Variants in CDH13 observed in about 807,000 individuals in gnomAD.
The protein encoded by CDH13 is cadherin 13, also known as cadherin-13.
A neutral mutation model predicts 63.8 loss-of-function variants in CDH13; 24 were observed. The observed-to-expected ratio is 0.38, with a 90% confidence interval of 0.27 to 0.53. The LOEUF (loss-of-function observed/expected upper bound fraction) is 0.53. CDH13 is among the 20% of genes least tolerant of loss of function. The pLI is 0.85. For synonymous variants in CDH13, 503 were observed against 355.3 expected, an observed-to-expected ratio of 1.42 and a Z score of -4.67; for missense variants, 1,049 against 903.1, an observed-to-expected ratio of 1.16 and a Z score of -2.07.
intron 1 of CDH13, among the ~76,000 whole-genome samples, chr16:82,836,486 G>A (rs985917094): frequency 2.0e-5 from 3 of 152,090 alleles, no homozygotes; most frequent in Admixed American, 6.5e-5. Flanking sequence ...GTTCATCTCA[G>A]TATACTGCCT....
chr16:82,702,797 T>G (rs1207378149), intron 1 of CDH13, among the ~76,000 whole-genome samples: 2 of 152,192 alleles, frequency 1.3e-5, no homozygotes, highest in Non-Finnish European at 2.9e-5. Flanking sequence ...TGGAACCCTG[T>G]GGCCCCCAGG....
intron 7 of CDH13, among the ~76,000 whole-genome samples, chr16:83,496,122 C>G (rs997456920): frequency 6.6e-6 from 1 of 152,040 alleles, no homozygotes; most frequent in Non-Finnish European, 1.5e-5. Context: ...CCCCATCAAG[C>G]TACCAATGAC....
At chr16:82,819,619 A>G (rs1483304174) in intron 1 of CDH13, among the ~76,000 whole-genome samples, 2 of 152,204 alleles carry the variant, frequency 1.3e-5, no homozygotes, top group South Asian at 2.1e-4. Context: ...AGACACCTGC[A>G]TGAAAGTTGA....
chr16:83,178,979 C>T (rs1243268073), intron 4 of CDH13, among the ~76,000 whole-genome samples: 1 of 152,036 alleles, frequency 6.6e-6, no homozygotes, highest in African/African-American at 2.4e-5. Flanking sequence ...AAAATATACA[C>T]CTTGGTCAAA....
chr16:83,051,224 C>G (rs374725230), intron 3 of CDH13, among the ~76,000 whole-genome samples: 1 of 152,140 alleles, frequency 6.6e-6, no homozygotes, highest in East Asian at 1.9e-4. Flanking sequence ...ACTTTCAGCC[C>G]TCACAATTCC....
intron 7 of CDH13, among the ~76,000 whole-genome samples, chr16:83,502,113 C>T (rs150803387): frequency 1.3e-5 from 2 of 152,206 alleles, no homozygotes; most frequent in African/African-American, 4.8e-5. Flanking sequence ...GGCTCCTCCC[C>T]TTCAAAGAAG....
At chr16:82,769,194 T>TAATAA (rs1223885304) in intron 1 of CDH13, among the ~76,000 whole-genome samples, 2 of 152,202 alleles carry the variant, frequency 1.3e-5, no homozygotes, top group African/African-American at 4.8e-5. Flanking sequence ...CAACACCATG[T>TAATAA]AATAATCTCC....
chr16:83,017,498 T>G (rs1180305541), intron 2 of CDH13, among the ~76,000 whole-genome samples: 1 of 152,244 alleles, frequency 6.6e-6, no homozygotes, highest in Admixed American at 6.5e-5. Context: ...CCAGCTTTCC[T>G]ACTTACAGAT....
intron 6 of CDH13, among the ~76,000 whole-genome samples, chr16:83,355,103 T>C (rs2091027417): frequency 6.6e-6 from 1 of 152,148 alleles, no homozygotes; most frequent in African/African-American, 2.4e-5. Context: ...ATAGATATGA[T>C]TTTACTGCTG....
intron 2 of CDH13, among the ~76,000 whole-genome samples, chr16:82,977,174 G>T (rs1016380169): frequency 2.6e-5 from 4 of 152,170 alleles, no homozygotes; most frequent in Non-Finnish European, 4.4e-5. Context: ...AATTGCCCTT[G>T]GCCCTGCTCT....
chr16:82,767,857 C>G (rs1313085028), intron 1 of CDH13, among the ~76,000 whole-genome samples: 1 of 152,172 alleles, frequency 6.6e-6, no homozygotes, highest in African/African-American at 2.4e-5. Context: ...CACTGAGGGT[C>G]CATGTGCTCA....
intron 7 of CDH13, among the ~76,000 whole-genome samples, chr16:83,523,190 T>G (rs956480298): frequency 6.6e-6 from 1 of 152,144 alleles, no homozygotes; most frequent in Non-Finnish European, 1.5e-5. Context: ...TACCCACAAA[T>G]AATGAGTGCA....
At chr16:83,277,943 A>G (rs1466823956) in intron 5 of CDH13, among the ~76,000 whole-genome samples, 1 of 152,176 alleles carries the variant, frequency 6.6e-6, no homozygotes, top group Non-Finnish European at 1.5e-5. Flanking sequence ...TAGATTTCCT[A>G]TCTTTATTCA....
At chr16:83,305,171 C>T (rs1230393650) in intron 5 of CDH13, among the ~76,000 whole-genome samples, 1 of 152,134 alleles carries the variant, frequency 6.6e-6, no homozygotes, top group African/African-American at 2.4e-5. Context: ...GTTGGTGGGG[C>T]TCTCCTTGTC....
At chr16:83,768,365 A>C (rs953595613) in intron 11 of CDH13, among the ~76,000 whole-genome samples, 3 of 152,218 alleles carry the variant, frequency 2.0e-5, no homozygotes, top group East Asian at 1.9e-4. Flanking sequence ...TAGACAAAAA[A>C]ACACACACAC....
At chr16:83,652,944 C>A (rs1170851031) in intron 8 of CDH13, among the ~76,000 whole-genome samples, 1 of 152,198 alleles carries the variant, frequency 6.6e-6, no homozygotes, top group African/African-American at 2.4e-5. Context: ...ATGGTCCATC[C>A]ACATGACGGA....
chr16:83,684,290 C>G (rs188034884), intron 10 of CDH13, among the ~76,000 whole-genome samples: 1 of 152,056 alleles, frequency 6.6e-6, no homozygotes, highest in Non-Finnish European at 1.5e-5. Context: ...TTTCTTGAAC[C>G]TGTTAAACCT....
chr16:83,064,258 A>C (rs111324090), intron 3 of CDH13, among the ~76,000 whole-genome samples: 1 of 152,132 alleles, frequency 6.6e-6, no homozygotes, highest in African/African-American at 2.4e-5. Flanking sequence ...GATCCCAGCT[A>C]TTCAAGAGGC....
At chr16:83,410,722 G>A (rs1032215570) in intron 6 of CDH13, among the ~76,000 whole-genome samples, 6 of 152,090 alleles carry the variant, frequency 3.9e-5, no homozygotes, top group Non-Finnish European at 7.3e-5. Context: ...TTTCTGAAAA[G>A]TATTATAAAG....
Sources: allele counts gnomAD v4.1 joint callset (sites outside exome capture counted in the v4.1 genomes callset), GRCh38; gene constraint gnomAD v4.1.1; transcripts MANE v1.5; gene names NCBI Gene and HGNC (gene_info 2026-07-23, HGNC 2026-07-21).